The following ZNF880 variants were observed in gnomAD, a reference collection of about 807,000 sequenced individuals.
The protein encoded by ZNF880 is zinc finger protein LOC400713.
A neutral mutation model predicts 11.8 loss-of-function variants in ZNF880; 12 were observed. The observed-to-expected ratio is 1.02, with a 90% CI of 0.65 to 1.65. The LOEUF is 1.65. Ranked by LOEUF, ZNF880 falls within the 40% of genes most tolerant of loss-of-function variation. The probability of loss-of-function intolerance (pLI) is 0.00; values close to 1 mark genes in which losing one functional copy is unlikely to be tolerated. For synonymous variants in ZNF880, 210 were observed against 232.4 expected (o/e 0.90, Z 0.88); for missense variants, 601 against 673.9 (o/e 0.89, Z 1.20).
chr19:52,392,260 T>C, the ZNF880 span, among the ~76,000 whole-genome samples: 102 of 149,510 alleles, frequency 6.8e-4, no homozygotes, highest in Non-Finnish European at 1.0e-3. Flanking sequence ...ATGGACTGAC[T>C]TTCTTTCTCT....
chr19:52,374,463 ATT>A (rs376324069), intron 3 of ZNF880, 36 bp downstream of exon 3: 98 of 1,260,600 alleles, frequency 7.8e-5, no homozygotes, highest in Admixed American at 1.5e-4. Context: ...AGGCCCCATA[ATT>A]TTTTTTTTTT....
intron 1 of ZNF880, among the ~76,000 whole-genome samples, chr19:52,372,873 G>GCA (rs1174082223): frequency 1.5e-5 from 2 of 133,400 alleles, no homozygotes; most frequent in Non-Finnish European, 3.0e-5. Flanking sequence ...TCGCGCCACT[G>GCA]CACTCCAGCT....
the ZNF880 span, among the ~76,000 whole-genome samples, chr19:52,394,051 G>A: frequency 6.6e-6 from 1 of 151,580 alleles, no homozygotes. Context: ...GTGTTAGCCA[G>A]GATAGTCTCG....
At chr19:52,369,889 G>T (rs1018792108), upstream of ZNF880, 8 of 1,543,844 alleles carry the variant, frequency 5.2e-6, no homozygotes, top group Non-Finnish European at 7.0e-6. Context: ...TCCCACCCGG[G>T]CCTGGCCTCG....
chr19:52,368,799 ATGAG>A (rs1453814228), upstream of ZNF880, among the ~76,000 whole-genome samples: 2 of 151,980 alleles, frequency 1.3e-5, no homozygotes, highest in Non-Finnish European at 2.9e-5. Flanking sequence ...GGACAAATAA[ATGAG>A]TGCTGTTTGG....
At chr19:52,379,552 C>T (rs10445584) in intron 3 of ZNF880, 152,342 of 390,814 alleles carry the variant, frequency 0.39, 30,456 homozygotes, top group South Asian at 0.52. Flanking sequence ...TGAGCCTCCG[C>T]GCCTGGCCTC....
chr19:52,395,210 C>G, the ZNF880 span, among the ~76,000 whole-genome samples: 4 of 152,270 alleles, frequency 2.6e-5, no homozygotes, highest in South Asian at 8.3e-4. Flanking sequence ...CCACACCCAG[C>G]CTGTCACTTT....
chr19:52,370,021 C>T (rs1412776706), intron 1 of ZNF880, 44 bp downstream of exon 1: 3 of 1,551,272 alleles, frequency 1.9e-6, no homozygotes, highest in Non-Finnish European at 1.7e-6. Flanking sequence ...TGCTGAGTCC[C>T]CTCGCGCTTC....
In ZNF880 at chr19:52,384,299, A is replaced by C. The variant is rs756399066; in HGVS notation, c.719A>C (p.Tyr240Ser). 6.2e-7 allele frequency: 1 copy of C among 1,613,914 alleles called. No individual in the cohort carries two copies. Among genetic ancestry groups the C allele is most frequent in the Admixed American group, 1.7e-5 (1 of 59,952 alleles). The change falls in exon 4 of 4, where the codon TAC (tyrosine) becomes TCC (serine). Residue 240 changes from tyrosine (Y) to serine (S), a missense_variant. Physicochemically the swap from Tyr to Ser is moderately radical, Grantham distance 144. Around this residue, in one of 3 missense-constraint regions of ZNF880, gnomAD observed 420 missense variants for 442.6 expected, o/e 0.95. Transcript: ENST00000422689. The stretch of plus-strand genomic sequence containing the variant: ...AGAATTCATACTGGAGAGAAGCCTT[A>C]CAAGTGTCATGAATGTGGCAAGCTC... ...HQRIHTGEKP[Y>S]KCHECGKLFN... is the part of the protein sequence containing the mutation.
rs2122421467 is a variant in ZNF880 at position 52,385,199 on chromosome 19, G to C, written c.1619G>C (p.Arg540Thr). The C allele has an allele frequency of 6.4e-7, 1 of 1,552,096 alleles. No homozygotes were observed. Among genetic ancestry groups the C allele is most frequent in the African/African-American group, 1.4e-5 (1 of 73,032 alleles). Residue 540 changes from arginine (R) to threonine (T), a missense_variant, in exon 4 of 4, where the codon AGA becomes ACA. Arg to Thr is a moderately conservative substitution (Grantham distance 71, BLOSUM62 -1). Coordinates refer to ENST00000422689, the MANE Select transcript of ZNF880 (RefSeq NM_001145434.2). ...AAGTTATACCTAAAAAAACATGAGAGAATTCATACTGGGGAGAAACCGTAC... is the reference window on the plus strand; with the variant it reads ...AAGTTATACCTAAAAAAACATGAGACAATTCATACTGGGGAGAAACCGTAC... The part of the protein sequence containing the change: ...SHKLYLKKHE[R>T]IHTGEKPYRC...
At chr19:52,376,739 A>G (rs1337040451) in intron 3 of ZNF880, among the ~76,000 whole-genome samples, 1 of 151,782 alleles carries the variant, frequency 6.6e-6, no homozygotes, top group Non-Finnish European at 1.5e-5. Context: ...CAAACTATTC[A>G]CCTCAGGTGA....
chr19:52,371,779 A>G (rs1986380208), intron 1 of ZNF880, among the ~76,000 whole-genome samples: 1 of 152,166 alleles, frequency 6.6e-6, no homozygotes, highest in African/African-American at 2.4e-5. Context: ...AATGTCTGAG[A>G]AAGAGTTGTC....
chr19:52,373,227 G>A lies in ZNF880; in HGVS notation c.129G>A (p.Leu43=), dbSNP rs1435787850. ...REVMVENYRN[L]VFLGICLPDL... The stretch of plus-strand genomic sequence containing the variant: ...TGATGGTGGAGAACTACAGGAACCT[G>A]GTCTTTCTGGGTGAGGATAATGTCC... The change falls in exon 2 of 4, where the codon CTG becomes CTA. Residue 43 remains leucine, a synonymous_variant. Coordinates refer to ENST00000422689, the MANE Select transcript of ZNF880 (RefSeq NM_001145434.2). 1.3e-5 allele frequency: 21 copies of A among 1,612,066 alleles called. No homozygotes were observed. Among genetic ancestry groups the A allele is most frequent in the Non-Finnish European group, 1.6e-5 (19 of 1,178,924 alleles).
At chr19:52,379,741 G>A (rs1367133748) in intron 3 of ZNF880, 1 of 175,340 alleles carries the variant, frequency 5.7e-6, no homozygotes, top group Non-Finnish European at 1.2e-5. Context: ...ACTGTACCCG[G>A]CTCTGATATT....
At chr19:52,372,277 G>T (rs1241564361) in intron 1 of ZNF880, among the ~76,000 whole-genome samples, 1 of 149,238 alleles carries the variant, frequency 6.7e-6, no homozygotes, top group Non-Finnish European at 1.5e-5. Context: ...CACAAAATTA[G>T]AAATCTCTAC....
In ZNF880 at chr19:52,384,475, A is replaced by C. The variant is rs1986803692; in HGVS notation, c.895A>C (p.Asn299His). 6.2e-7 allele frequency: 1 copy of C among 1,614,152 alleles called. No individual in the cohort carries two copies. The highest frequency in any genetic ancestry group is 8.5e-7 in the Non-Finnish European group (1 of 1,180,012). ...CACTGGAGAGAAACCTTACAAATGT[A>C]ATGAGTGTGGCAAGGTCTTCAACAG... Reference protein sequence around the residue: ...IHTGEKPYKCNECGKVFNRNA... With the variant: ...IHTGEKPYKCHECGKVFNRNA... Residue 299 changes from asparagine to histidine, a missense_variant, in exon 4 of 4, where the codon AAT becomes CAT. By Grantham distance (68) the Asn-to-His change is moderately conservative. Transcript: ENST00000422689.
rs187057167 is a variant in ZNF880 at position 52,374,509 on chromosome 19, C to T, written c.268+82C>T. The T allele has an allele frequency of 1.1e-4, 161 of 1,503,044 alleles. 2 individuals carry two copies. In the East Asian group the frequency reaches 3.5e-3, roughly 33 times the overall value. 93.1% of individuals were successfully genotyped at this position (1,503,044 alleles called of 1,614,324 possible). On this transcript the variant is annotated intron_variant, in intron 3 of 3. Coordinates refer to ENST00000422689, the MANE Select transcript of ZNF880 (RefSeq NM_001145434.2). ...GGTCTTGCTCTGTCACCCAGGCTGTCGTAGAGTGGCAATCATCAGTGGCAA... is the reference window on the plus strand; with the variant it reads ...GGTCTTGCTCTGTCACCCAGGCTGTTGTAGAGTGGCAATCATCAGTGGCAA...
chr19:52,393,407 C>A, the ZNF880 span, among the ~76,000 whole-genome samples: 1 of 125,054 alleles, frequency 8.0e-6, no homozygotes, highest in Non-Finnish European at 1.7e-5. Flanking sequence ...AATTTTCTTT[C>A]TTTCTTTTTT....
At chr19:52,397,159 T>TTC in the ZNF880 span, 1 of 151,404 alleles carries the variant, frequency 6.6e-6, no homozygotes, top group South Asian at 2.1e-4. Flanking sequence ...CTGGCTTTTT[T>TTC]TTTTTAAAGA....
Sources: gnomAD v4.1 joint callset for allele counts (sites outside exome capture counted in the v4.1 genomes callset) on GRCh38, gnomAD v4.1.1 for gene constraint, gnomAD v4.1.1 regional missense constraint, MANE v1.5 for transcripts, NCBI Gene and HGNC (gene_info 2026-07-23, HGNC 2026-07-21) for gene names.